The following PGF variants were observed in gnomAD, a reference collection of about 807,000 sequenced individuals.
The protein encoded by PGF is placental growth factor.
In PGF, 11 loss-of-function variants were observed where a neutral mutation model predicts 25.3. The observed-to-expected ratio is 0.43, with a 90% confidence interval of 0.27 to 0.72. PGF has a LOEUF of 0.72. Among genes scored for constraint, PGF ranks in the 30% least tolerant of loss-of-function variants. PGF has a pLI of 0.18. For missense variants in PGF, 230 were observed against 234.9 expected, an observed-to-expected ratio of 0.98 and a Z score of 0.14; for synonymous variants, 105 against 97.9, an observed-to-expected ratio of 1.07 and a Z score of -0.43.
intron 4 of PGF, 160 bp from the exon 5 acceptor site, chr14:74,946,568 G>A: frequency 5.9e-6 from 4 of 676,362 alleles, no homozygotes; most frequent in Non-Finnish European, 1.0e-5. Flanking sequence ...GGGAGAGGTG[G>A]CCAGAGCCTC....
chr14:74,946,741 C>T (rs1888746853), intron 4 of PGF: 4 of 700,936 alleles, frequency 5.7e-6, no homozygotes, highest in Non-Finnish European at 1.0e-5. Flanking sequence ...ACTTTCTTTG[C>T]TGCTTTTTTC....
intron 1 of PGF, chr14:74,954,213 T>C: frequency 2.0e-6 from 1 of 501,394 alleles, no homozygotes; most frequent in South Asian, 2.5e-5. Flanking sequence ...GCCTGCTGCA[T>C]CCCAAAGATC....
intron 2 of PGF, 21 bp from the exon 3 acceptor site, chr14:74,949,574 T>C: frequency 6.5e-7 from 1 of 1,534,316 alleles, no homozygotes; most frequent in South Asian, 1.3e-5. Flanking sequence ...GCAAGGGGGC[T>C]GGGTCAGGCC....
chr14:74,955,277 G>C lies in PGF; in HGVS notation c.-35C>G. On this transcript the variant is annotated 5_prime_UTR_variant, in exon 1 of 7. Coordinates refer to ENST00000555567, the MANE Select transcript of PGF (RefSeq NM_002632.6). This position sits in a 1 kb window ranked among gnomAD's most constrained non-coding sequence, Gnocchi z 4.1. ...CGTCCCGAGCCAGGGGGCTCCGAGG[G>C]AAAACCACCATGCTCATCCCCCGGG... is the stretch of plus-strand genomic sequence containing the variant. 7.4e-7 allele frequency: 1 copy of C among 1,348,218 alleles called. No homozygotes were observed. The highest frequency in any genetic ancestry group is 9.8e-7 in the Non-Finnish European group (1 of 1,015,500). The allele number at this position is 1,348,218 out of a possible 1,614,324, so 83.5% of individuals were successfully genotyped here.
Position 74,946,842 on chromosome 14 carries a change from ACTCCATC to A in PGF, c.393-441_393-435del, listed in dbSNP as rs1888750177. The A allele has an allele frequency of 3.3e-5, 25 of 756,920 alleles. No homozygotes were observed. In the East Asian group the frequency reaches 6.1e-4, roughly 18 times the overall value. The allele number at this position is 756,920 out of a possible 1,614,324, so 46.9% of individuals were successfully genotyped here. On this transcript the variant is annotated intron_variant, in intron 4 of 6. Coordinates refer to ENST00000555567, the MANE Select transcript of PGF (RefSeq NM_002632.6). Reference sequence around the variant, plus strand: ...TGGCTGCCTGTCAGGGCACAGCCCCACTCCATCCGGAACAACATGGGGAGTGAGCGAC... The same window carrying A: ...TGGCTGCCTGTCAGGGCACAGCCCCACGGAACAACATGGGGAGTGAGCGAC...
At chr14:74,948,468 G>A (rs748275711) in intron 4 of PGF, 39 bp downstream of exon 4, 3 of 1,298,684 alleles carry the variant, frequency 2.3e-6, no homozygotes, top group Non-Finnish European at 3.3e-6. Flanking sequence ...AAGAGGACGG[G>A]GGCCTTTCCT....
chr14:74,942,600 C>A lies in PGF; in HGVS notation c.*106G>T. 1 of 1,100,616 alleles carries A rather than the reference C, an allele frequency of 9.1e-7. No homozygotes were observed. The highest frequency in any genetic ancestry group is 1.3e-5 in the South Asian group (1 of 75,566). 68.2% of individuals were successfully genotyped at this position (1,100,616 alleles called of 1,614,324 possible). A position where few individuals can be genotyped will look rare whatever the true frequency, so the allele number is the denominator to read the frequency against. ...GGGAGCGAGGCATTCAGCAGGGAAA[C>A]AGTTGGCTAATAAATAGAGGGCAGG... On this transcript the variant is annotated 3_prime_UTR_variant, in exon 7 of 7. Coordinates refer to ENST00000555567, the MANE Select transcript of PGF (RefSeq NM_002632.6).
At position 74,953,042 on chromosome 14, in the gene PGF, C is replaced by T. The variant is rs1888907364; in HGVS notation, c.118+862G>A. Among the ~76,000 whole-genome samples the T allele has an allele frequency of 6.6e-6, 1 of 152,222 alleles. No individual in the cohort carries two copies. The highest frequency in any genetic ancestry group is 1.5e-5 in the Non-Finnish European group (1 of 68,042). On this transcript the variant is annotated intron_variant, in intron 2 of 6. Transcript: ENST00000555567. This position sits in a 1 kb window ranked among gnomAD's most constrained non-coding sequence, Gnocchi z 5.4. The stretch of plus-strand genomic sequence containing the variant: ...ACAGCAAGGGAGGCATCCATGAGGT[C>T]AAGGGCAGCTACCTCCTCTACCTGC...
At chr14:74,954,924 ACCTCCCTC>A (rs935346985) in intron 1 of PGF, among the ~76,000 whole-genome samples, 1 of 149,758 alleles carries the variant, frequency 6.7e-6, no homozygotes. Context: ...CAGACAGGAA[ACCTCCCTC>A]CCTCCCTCCC....
chr14:74,952,173 G>A (rs1888887249), intron 2 of PGF, among the ~76,000 whole-genome samples: 1 of 152,342 alleles, frequency 6.6e-6, no homozygotes, highest in East Asian at 1.9e-4. Flanking sequence ...TACCACCTGG[G>A]ATGGGGGAGA....
At chr14:74,952,877 T>C (rs1888903852) in intron 2 of PGF, among the ~76,000 whole-genome samples, 1 of 152,148 alleles carries the variant, frequency 6.6e-6, no homozygotes, top group African/African-American at 2.4e-5. Flanking sequence ...ATTTTACAGA[T>C]GAGAAAACTG....
chr14:74,951,039 A>G (rs1051822323), intron 2 of PGF, among the ~76,000 whole-genome samples: 2 of 152,178 alleles, frequency 1.3e-5, no homozygotes, highest in Admixed American at 6.5e-5. Flanking sequence ...AGAAAAATAA[A>G]CTTCAGTCCT....
intron 3 of PGF, 79 bp downstream of exon 3, chr14:74,949,278 C>T: frequency 8.2e-7 from 1 of 1,215,432 alleles, no homozygotes; most frequent in Non-Finnish European, 1.1e-6. Context: ...AGCCCTGGGA[C>T]CTGGGCCTAT....
Position 74,946,292 on chromosome 14 carries a change from G to T in PGF, c.423-17C>A, listed in dbSNP as rs200175789. 1 of 1,614,142 alleles carries T rather than the reference G, an allele frequency of 6.2e-7. No homozygotes were observed. Among genetic ancestry groups the T allele is most frequent in the Non-Finnish European group, 8.5e-7 (1 of 1,179,982 alleles). On this transcript the variant is annotated splice_polypyrimidine_tract_variant and intron_variant, in intron 5 of 6. Transcript: ENST00000555567. ...GGTCTCCTCCTGCAATAAGCCAAGC[G>T]TCAGGACAAGGTGGCTGGGGAACCC...
In PGF at chr14:74,955,229, C is replaced by T. The variant is rs1888960440; in HGVS notation, c.14G>A (p.Arg5Lys). 1 of 1,479,054 alleles carries T rather than the reference C, an allele frequency of 6.8e-7. No homozygotes were observed. The highest frequency in any genetic ancestry group is 9.0e-7 in the Non-Finnish European group (1 of 1,106,558). 91.6% of individuals were successfully genotyped at this position (1,479,054 alleles called of 1,614,324 possible). Residue 5 changes from arginine (R) to lysine (K), a missense_variant, in exon 1 of 7, where the codon AGG becomes AAG. By Grantham distance (26) the Arg-to-Lys change is conservative (BLOSUM62 2). Coordinates refer to ENST00000555567, the MANE Select transcript of PGF (RefSeq NM_002632.6). The surrounding 1 kb of genome is among the most constrained non-coding windows in gnomAD (Gnocchi z 4.1). ...GAGCTGCAGGAAGCAAGGGAACAGC[C>T]TCATGACCGGCATCTTCTCAGACGT... is the stretch of plus-strand genomic sequence containing the variant. MPVM[R>K]LFPCFLQLLA... is the part of the protein sequence containing the mutation.
At chr14:74,949,878 C>A (rs1321319319) in intron 2 of PGF, among the ~76,000 whole-genome samples, 11 of 152,224 alleles carry the variant, frequency 7.2e-5, no homozygotes, top group African/African-American at 2.7e-4. Flanking sequence ...GGATCTTTCT[C>A]AAGCCTGACC....
intron 2 of PGF, among the ~76,000 whole-genome samples, chr14:74,952,705 G>A (rs1399220240): frequency 6.6e-6 from 1 of 151,984 alleles, no homozygotes; most frequent in Non-Finnish European, 1.5e-5. Flanking sequence ...ATTGATAAGT[G>A]TGACAGGAGA....
At position 74,950,406 on chromosome 14, in the gene PGF, G is replaced by A. The variant is rs1458139678; in HGVS notation, c.119-853C>T. ...CATGAGGGCAGAGATGGACGTACCC[G>A]TAAACACAGGCTAAGTCACTCCTGG... is the stretch of plus-strand genomic sequence containing the variant. On this transcript the variant is annotated intron_variant, in intron 2 of 6. Coordinates refer to ENST00000555567, the MANE Select transcript of PGF (RefSeq NM_002632.6). This position sits in a 1 kb window ranked among gnomAD's most constrained non-coding sequence, Gnocchi z 4.1. Among the ~76,000 whole-genome samples, 1 of 152,182 alleles carries A rather than the reference G, an allele frequency of 6.6e-6. No homozygotes were observed. The highest frequency in any genetic ancestry group is 2.4e-5 in the African/African-American group (1 of 41,448).
intron 6 of PGF, among the ~76,000 whole-genome samples, chr14:74,943,967 A>G (rs2140400614): frequency 6.6e-6 from 1 of 152,264 alleles, no homozygotes; most frequent in South Asian, 2.1e-4. Flanking sequence ...CTGAAAATTA[A>G]AAGTACTGTT....
Sources: gnomAD v4.1 joint callset for allele counts (sites outside exome capture counted in the v4.1 genomes callset) on GRCh38, gnomAD v4.1.1 for gene constraint, Gnocchi (gnomAD v3.1) non-coding constraint, MANE v1.5 for transcripts, NCBI Gene and HGNC (gene_info 2026-07-23, HGNC 2026-07-21) for gene names.